The following LPP variants were observed in gnomAD, a reference collection of about 807,000 sequenced individuals.
LPP encodes the protein lipoma-preferred partner.
In LPP, 38 loss-of-function variants were observed where a neutral mutation model predicts 60.4. The observed-to-expected ratio is 0.63, with a 90% CI of 0.49 to 0.83. LPP has a LOEUF of 0.83. Among genes scored for constraint, LPP ranks in the 40% least tolerant of loss-of-function variants. The pLI, the probability that LPP is intolerant of heterozygous loss-of-function variation, is 0.00. For missense variants in LPP, 902 were observed against 783.6 expected (o/e 1.15, Z -1.80); for synonymous variants, 328 against 290.8 (o/e 1.13, Z -1.30).
rs779035943 is a variant in LPP at position 188,708,288 on chromosome 3, G to A, written c.1135G>A (p.Gly379Arg). ...QPKGGHSGQL[G>R]PSSVAPSFRP... ...TCAGGGTGGCCATTCAGGGCAACTG[G>A]GGCCTTCGTCAGTTGCCCCTTCATT... The change falls in exon 8 of 12, where the codon GGG becomes AGG. Residue 379 changes from glycine (G) to arginine (R), a missense_variant. Coordinates refer to ENST00000617246, the MANE Select transcript of LPP (RefSeq NM_001375462.1). 5 of 1,614,114 alleles carry A rather than the reference G, an allele frequency of 3.1e-6. No homozygotes were observed. In the South Asian group the frequency reaches 4.4e-5, roughly 14 times the overall value.
At chr3:188,384,789 CAAAAAAAAAAAAAAAA>C (rs561284077) in intron 3 of LPP, among the ~76,000 whole-genome samples, 51 of 51,450 alleles carry the variant, frequency 9.9e-4, no homozygotes, top group Non-Finnish European at 1.1e-3. Context: ...GACTCTGTCT[CAAAAAAAAAAAAAAAA>C]AAAAAAAAAA....
intron 5 of LPP, among the ~76,000 whole-genome samples, chr3:188,507,468 G>C (rs1257195529): frequency 1.3e-5 from 2 of 151,792 alleles, no homozygotes; most frequent in East Asian, 3.9e-4. Flanking sequence ...AATAAATATG[G>C]GAATTTTTTT....
chr3:188,496,541 C>G (rs1810285867), intron 5 of LPP, among the ~76,000 whole-genome samples: 1 of 152,196 alleles, frequency 6.6e-6, no homozygotes. Flanking sequence ...AGTGAAGGCT[C>G]TGGGGCTCTG....
intron 7 of LPP, among the ~76,000 whole-genome samples, chr3:188,631,085 T>G (rs963991283): frequency 2.0e-5 from 3 of 152,080 alleles, no homozygotes; most frequent in Admixed American, 1.3e-4. Flanking sequence ...GATCACTACC[T>G]GGGTGATGAA....
intron 8 of LPP, among the ~76,000 whole-genome samples, chr3:188,725,028 A>G (rs1263453015): frequency 6.6e-6 from 1 of 152,178 alleles, no homozygotes; most frequent in Non-Finnish European, 1.5e-5. Flanking sequence ...TGTATCTGTG[A>G]ATTTTGCCAT....
At chr3:188,840,553 C>T (rs899230276) in intron 9 of LPP, among the ~76,000 whole-genome samples, 2 of 152,164 alleles carry the variant, frequency 1.3e-5, no homozygotes, top group Non-Finnish European at 2.9e-5. Flanking sequence ...GGCTGGAGTG[C>T]AGTGGTGCAA....
In LPP at chr3:188,675,068, G is replaced by C. The variant is rs1322636663; in HGVS notation, c.1114-33199G>C. On this transcript the variant is annotated intron_variant, in intron 7 of 11. Coordinates refer to ENST00000617246, the MANE Select transcript of LPP (RefSeq NM_001375462.1). ...AGGAGTAATTCAGAAATTTTTTGAA[G>C]AAATTTCTCCCACAGCATTAGCCTT... Among the ~76,000 whole-genome samples, 4 of 3,138 alleles carry C rather than the reference G, an allele frequency of 1.3e-3. 1 individual carries two copies. In the South Asian group the frequency reaches 0.38, roughly 294 times the overall value. The allele number at this position is 3,138 out of a possible 152,430, so 2.1% of individuals were successfully genotyped here. A position where few individuals can be genotyped will look rare whatever the true frequency, so the allele number is the denominator to read the frequency against.
intron 4 of LPP, among the ~76,000 whole-genome samples, chr3:188,438,207 A>G (rs1792830516): frequency 6.6e-6 from 1 of 152,162 alleles, no homozygotes. Flanking sequence ...GTTAGAATGT[A>G]TGACCAGTCA....
At chr3:188,355,844 TCA>T (rs1767454499) in intron 3 of LPP, among the ~76,000 whole-genome samples, 1 of 152,210 alleles carries the variant, frequency 6.6e-6, no homozygotes, top group Non-Finnish European at 1.5e-5. Context: ...CGTAGGCTCC[TCA>T]CACTTTTTTC....
intron 9 of LPP, among the ~76,000 whole-genome samples, chr3:188,787,291 T>A (rs549551431): frequency 2.6e-5 from 4 of 152,166 alleles, no homozygotes; most frequent in African/African-American, 4.8e-5. Context: ...ATAAGAAAAT[T>A]TAAAGTTTAA....
At chr3:188,642,557 A>T (rs1019706171) in intron 7 of LPP, among the ~76,000 whole-genome samples, 1 of 152,206 alleles carries the variant, frequency 6.6e-6, no homozygotes, top group African/African-American at 2.4e-5. Flanking sequence ...CCTGAGACTT[A>T]TTATTTGACG....
At chr3:188,340,749 G>A (rs1762845992) in intron 2 of LPP, among the ~76,000 whole-genome samples, 1 of 152,092 alleles carries the variant, frequency 6.6e-6, no homozygotes, top group Admixed American at 6.5e-5. Context: ...TTTTTGGGCT[G>A]TCTCTTGTTA....
chr3:188,878,166 G>A lies in LPP; in HGVS notation c.*3687G>A, dbSNP rs1769469545. 4.6e-6 allele frequency: 1 copy of A among 218,904 alleles called. No individual in the cohort carries two copies. Among genetic ancestry groups the A allele is most frequent in the Non-Finnish European group, 9.2e-6 (1 of 108,848 alleles). 13.6% of individuals were successfully genotyped at this position (218,904 alleles called of 1,614,324 possible). On this transcript the variant is annotated 3_prime_UTR_variant, in exon 12 of 12. Coordinates refer to ENST00000617246, the MANE Select transcript of LPP (RefSeq NM_001375462.1). ...TTTAGTTAGTAAAAATCCTATTAAT[G>A]TGAACCAGCCAGGAATAACAGTGTT...
chr3:188,817,978 G>A (rs112592509), intron 9 of LPP, among the ~76,000 whole-genome samples: 9,272 of 152,208 alleles, frequency 0.061, 310 homozygotes, highest in African/African-American at 0.086. Context: ...ATTCTAAGGC[G>A]TATCAAATAT....
chr3:188,304,742 G>A (rs1750977989), intron 2 of LPP, among the ~76,000 whole-genome samples: 1 of 152,070 alleles, frequency 6.6e-6, no homozygotes, highest in Admixed American at 6.6e-5. Context: ...TTTGACTCAA[G>A]TTCCTTTGCA....
At chr3:188,436,543 G>A (rs879899481) in intron 4 of LPP, among the ~76,000 whole-genome samples, 1 of 152,152 alleles carries the variant, frequency 6.6e-6, no homozygotes, top group Non-Finnish European at 1.5e-5. Flanking sequence ...TAATGTTTGT[G>A]TAAGCATATA....
chr3:188,731,812 G>A (rs1034403076), intron 8 of LPP, among the ~76,000 whole-genome samples: 20 of 152,180 alleles, frequency 1.3e-4, no homozygotes, highest in African/African-American at 3.9e-4. Flanking sequence ...ATGAGCCACC[G>A]CGCCTGGCCT....
chr3:188,631,858 A>T (rs1004280635), intron 7 of LPP, among the ~76,000 whole-genome samples: 5 of 152,138 alleles, frequency 3.3e-5, no homozygotes, highest in African/African-American at 1.2e-4. Context: ...ATATCCCATG[A>T]CACTCAGCTA....
intron 6 of LPP, among the ~76,000 whole-genome samples, chr3:188,542,584 A>G (rs1294469094): frequency 1.3e-5 from 2 of 152,208 alleles, no homozygotes; most frequent in Non-Finnish European, 2.9e-5. Context: ...ACACTTTTGT[A>G]TATGTGAGAT....
Sources: allele counts gnomAD v4.1 joint callset (sites outside exome capture counted in the v4.1 genomes callset), GRCh38; gene constraint gnomAD v4.1.1; transcripts MANE v1.5; gene names NCBI Gene and HGNC (gene_info 2026-07-23, HGNC 2026-07-21).